Variants in NLGN1 observed in about 807,000 individuals in gnomAD.
NLGN1 encodes neuroligin 1.
A neutral mutation model predicts 65.5 loss-of-function variants in NLGN1; 12 were observed. The ratio of observed to expected loss-of-function variants is 0.18; its 90% CI spans 0.12 to 0.30. The LOEUF (loss-of-function observed/expected upper bound fraction) is 0.30. Among genes scored for constraint, NLGN1 ranks in the 10% least tolerant of loss-of-function variants. The probability of loss-of-function intolerance (pLI) is 1.00; values close to 1 mark genes in which losing one functional copy is unlikely to be tolerated. For synonymous variants in NLGN1, 350 were observed against 359.5 expected (o/e 0.97, Z 0.30); for missense variants, 750 against 1,007.1 (o/e 0.74, Z 3.46).
intron 4 of NLGN1, among the ~76,000 whole-genome samples, chr3:173,880,176 C>T (rs955969296): frequency 3.3e-5 from 5 of 152,002 alleles, no homozygotes; most frequent in Non-Finnish European, 5.9e-5. Flanking sequence ...TTTTAGGTAA[C>T]TTTAACTGAA....
At chr3:173,604,679 C>T (rs1394173432) in exon 3 of NLGN1, 2 of 1,613,606 alleles carry the variant, frequency 1.2e-6, no homozygotes, top group East Asian at 4.5e-5. Flanking sequence ...GATTGGGTGC[C>T]CCATTGACTC....
intron 4 of NLGN1, among the ~76,000 whole-genome samples, chr3:174,110,956 A>G (rs1308306479): frequency 6.6e-6 from 1 of 151,954 alleles, no homozygotes; most frequent in Non-Finnish European, 1.5e-5. Context: ...GGTCACAGTC[A>G]GAAACACCCA....
intron 4 of NLGN1, among the ~76,000 whole-genome samples, chr3:174,027,385 T>C (rs1729059732): frequency 6.6e-6 from 1 of 152,104 alleles, no homozygotes; most frequent in African/African-American, 2.4e-5. Context: ...CATTTTGAGC[T>C]CTGGAACTCT....
In NLGN1 at chr3:173,924,628, A is replaced by T. The variant is rs1041949601; in HGVS notation, c.646+116796A>T. Among the ~76,000 whole-genome samples, 25 of 152,014 alleles carry T rather than the reference A, an allele frequency of 1.6e-4. No individual in the cohort carries two copies. In the South Asian group the frequency reaches 2.3e-3, roughly 14 times the overall value. On this transcript the variant is annotated intron_variant, in intron 4 of 6. Transcript: ENST00000457714. ...ACAGAGTATAACCCTGTCTCAAAAA[A>T]AAAAATAAAAATAAAAATAAAAATT...
At chr3:174,261,523 G>A (rs1239626493) in intron 4 of NLGN1, among the ~76,000 whole-genome samples, 2 of 146,608 alleles carry the variant, frequency 1.4e-5, no homozygotes, top group African/African-American at 5.1e-5. Context: ...TGTGATTTTT[G>A]TACATTGATT....
At chr3:173,540,902 A>T (rs1307290793) in intron 2 of NLGN1, among the ~76,000 whole-genome samples, 1 of 152,140 alleles carries the variant, frequency 6.6e-6, no homozygotes, top group Non-Finnish European at 1.5e-5. Flanking sequence ...TAGTTCATTC[A>T]CACCATCAAC....
intron 3 of NLGN1, among the ~76,000 whole-genome samples, chr3:173,640,097 G>A (rs1471052691): frequency 6.6e-6 from 1 of 151,878 alleles, no homozygotes; most frequent in African/African-American, 2.4e-5. Flanking sequence ...AGGACAACGG[G>A]GTGCATAATA....
intron 4 of NLGN1, among the ~76,000 whole-genome samples, chr3:174,204,744 T>C (rs1028102444): frequency 2.6e-5 from 4 of 152,248 alleles, no homozygotes; most frequent in African/African-American, 9.6e-5. Context: ...ACGGATACTC[T>C]TTCATCTCTA....
At chr3:173,396,106 T>G (rs951045123), upstream of NLGN1, among the ~76,000 whole-genome samples, 7 of 152,126 alleles carry the variant, frequency 4.6e-5, no homozygotes, top group African/African-American at 1.7e-4. Context: ...GGGACGCATC[T>G]GCAGCCACCT....
At chr3:173,630,776 T>C (rs1257785140) in intron 3 of NLGN1, among the ~76,000 whole-genome samples, 1 of 152,188 alleles carries the variant, frequency 6.6e-6, no homozygotes, top group Non-Finnish European at 1.5e-5. Flanking sequence ...TCTTCTGACA[T>C]GCCTTACTTA....
intron 4 of NLGN1, among the ~76,000 whole-genome samples, chr3:174,034,586 C>T (rs1419965286): frequency 6.6e-6 from 1 of 152,022 alleles, no homozygotes; most frequent in African/African-American, 2.4e-5. Flanking sequence ...ACCTGTACTA[C>T]ATGTGAAGTG....
At chr3:173,468,135 T>G (rs1724687471) in intron 2 of NLGN1, among the ~76,000 whole-genome samples, 1 of 152,084 alleles carries the variant, frequency 6.6e-6, no homozygotes, top group South Asian at 2.1e-4. Flanking sequence ...GGGCTGTGCT[T>G]TATTCAACTT....
intron 4 of NLGN1, among the ~76,000 whole-genome samples, chr3:174,265,381 G>A (rs1747853456): frequency 6.6e-6 from 1 of 152,148 alleles, no homozygotes; most frequent in Non-Finnish European, 1.5e-5. Context: ...GTAATCTTGT[G>A]GTGCGCCGTT....
At chr3:173,558,898 T>TTTG (rs34382817) in intron 2 of NLGN1, among the ~76,000 whole-genome samples, 82,289 of 151,072 alleles carry the variant, frequency 0.54, 22,358 homozygotes, top group East Asian at 0.74. Flanking sequence ...TTGTTTGATT[T>TTTG]TTGTTGTTGT....
At chr3:174,215,479 T>C (rs887367114) in intron 4 of NLGN1, among the ~76,000 whole-genome samples, 8 of 152,186 alleles carry the variant, frequency 5.3e-5, no homozygotes, top group African/African-American at 1.9e-4. Flanking sequence ...TCCCTTCATC[T>C]GAAACTTTAG....
At chr3:173,747,547 C>G (rs935934949) in intron 3 of NLGN1, among the ~76,000 whole-genome samples, 1 of 150,252 alleles carries the variant, frequency 6.7e-6, no homozygotes, top group African/African-American at 2.4e-5. Context: ...AAGTCCTGTT[C>G]GAATCTCAAG....
chr3:173,569,043 T>G (rs1744202684), intron 2 of NLGN1, among the ~76,000 whole-genome samples: 6 of 152,206 alleles, frequency 3.9e-5, no homozygotes, highest in Admixed American at 3.9e-4. Context: ...AAAAAAATGC[T>G]GTAGCACAAG....
chr3:173,410,614 A>G (rs939017114), intron 1 of NLGN1, among the ~76,000 whole-genome samples: 2 of 152,246 alleles, frequency 1.3e-5, no homozygotes, highest in African/African-American at 4.8e-5. Context: ...CAAGAACTCT[A>G]TCAGCATTAG....
At chr3:173,884,129 A>G (rs1354462358) in intron 4 of NLGN1, among the ~76,000 whole-genome samples, 1 of 152,068 alleles carries the variant, frequency 6.6e-6, no homozygotes, top group African/African-American at 2.4e-5. Flanking sequence ...GTGCTGACCC[A>G]AAATTTTTGT....
Sources: allele counts gnomAD v4.1 joint callset (sites outside exome capture counted in the v4.1 genomes callset), GRCh38; gene constraint gnomAD v4.1.1; transcripts MANE v1.5; gene names NCBI Gene and HGNC (gene_info 2026-07-23, HGNC 2026-07-21).